DEAF1: variants seen among roughly 807,000 people sequenced by gnomAD.
DEAF1 encodes deformed epidermal autoregulatory factor 1 homolog.
Under a neutral mutation model 58.9 loss-of-function variants are expected in DEAF1, and 53 were observed. The ratio of observed to expected loss-of-function variants is 0.90; its 90% CI spans 0.72 to 1.13. The LOEUF (loss-of-function observed/expected upper bound fraction) is 1.13, where lower values mean the gene tolerates loss of function less well. Ranked by LOEUF, DEAF1 falls within the 50% of genes most tolerant of loss-of-function variation. DEAF1 has a pLI of 0.00. For missense variants in DEAF1, 685 were observed against 791.4 expected (o/e 0.87, Z 1.61); for synonymous variants, 385 against 340.4 (o/e 1.13, Z -1.44).
At chr11:656,125 C>T (rs924416492) in intron 10 of DEAF1, among the ~76,000 whole-genome samples, 11 of 142,540 alleles carry the variant, frequency 7.7e-5, no homozygotes, top group Non-Finnish European at 1.1e-4. Flanking sequence ...TGAGCCACCG[C>T]GCCTGGCCTG....
chr11:677,750 T>C (rs549848713), intron 9 of DEAF1, among the ~76,000 whole-genome samples: 3,298 of 54,230 alleles, frequency 0.061, 585 homozygotes, highest in East Asian at 0.16. Flanking sequence ...GTCAGGAGTT[T>C]GAGACCAGCC....
chr11:704,005 C>A, intron 1 of DEAF1: 8 of 1,214,756 alleles, frequency 6.6e-6, no homozygotes, highest in African/African-American at 1.6e-5. Context: ...TAAGCTGTTA[C>A]AGTAGCTTTC....
chr11:670,777 GTTT>G (rs1250514235), intron 10 of DEAF1, among the ~76,000 whole-genome samples: 1 of 18,974 alleles, frequency 5.3e-5, no homozygotes. Flanking sequence ...TTTTGTTTTT[GTTT>G]TTTTTTTTTT....
At chr11:703,851 G>A (rs1472267934) in intron 1 of DEAF1, 3 of 1,236,078 alleles carry the variant, frequency 2.4e-6, no homozygotes, top group Non-Finnish European at 3.0e-6. Context: ...CTGCAGGAGA[G>A]AGAGCAGCGG....
At position 688,249 on chromosome 11, in the gene DEAF1, CAAGTA is replaced by C; in HGVS notation, c.517+77_517+81del. On this transcript the variant is annotated intron_variant, in intron 3 of 11. Coordinates refer to ENST00000382409, the MANE Select transcript of DEAF1 (RefSeq NM_021008.4). The surrounding 1 kb of genome is among the most constrained non-coding windows in gnomAD (Gnocchi z 4.3). ...ATTCCAAATTTACCACAAAAAGAAACAAGTAAATAAATCCCTGAAATAAATTCTAG... is the reference window on the plus strand; with the variant it reads ...ATTCCAAATTTACCACAAAAAGAAACAATAAATCCCTGAAATAAATTCTAG... The C allele has an allele frequency of 6.4e-7, 1 of 1,562,924 alleles. No individual in the cohort carries two copies. The highest frequency in any genetic ancestry group is 1.2e-5 in the South Asian group (1 of 85,762).
At chr11:660,465 G>A (rs966067634) in intron 10 of DEAF1, among the ~76,000 whole-genome samples, 10 of 152,202 alleles carry the variant, frequency 6.6e-5, no homozygotes, top group African/African-American at 1.2e-4. Flanking sequence ...CGCCGGCGCC[G>A]CCTCACCCCG....
intron 1 of DEAF1, chr11:692,413 C>T: frequency 6.5e-6 from 1 of 154,990 alleles, no homozygotes; most frequent in Admixed American, 6.3e-5. Context: ...TGCTCCTAGG[C>T]CAAGCAAGTG....
At chr11:650,744 A>G (rs1424500941) in intron 11 of DEAF1, among the ~76,000 whole-genome samples, 3 of 151,908 alleles carry the variant, frequency 2.0e-5, no homozygotes, top group African/African-American at 7.2e-5. Flanking sequence ...ACTTGAGTCC[A>G]AGGGGTCGAG....
upstream of DEAF1, chr11:699,957 G>A (rs1261727735): frequency 5.2e-6 from 3 of 573,042 alleles, no homozygotes; most frequent in Non-Finnish European, 9.4e-6. Flanking sequence ...GTCAGCTCAT[G>A]GGACCACATT....
intron 10 of DEAF1, among the ~76,000 whole-genome samples, chr11:660,706 G>C (rs924381318): frequency 3.9e-5 from 6 of 152,236 alleles, no homozygotes; most frequent in Non-Finnish European, 7.4e-5. Context: ...TGTTTGATGC[G>C]GAACAGGTGA....
intron 10 of DEAF1, among the ~76,000 whole-genome samples, chr11:662,289 CAA>C (rs1244664219): frequency 2.0e-5 from 3 of 151,282 alleles, no homozygotes; most frequent in Non-Finnish European, 1.5e-5. Context: ...TCTCATAAAA[CAA>C]AAAAAAATTA....
rs879107856 is a variant in DEAF1 at position 694,997 on chromosome 11, C to T, written c.51G>A (p.Ala17=). 2 of 1,193,458 alleles carry T rather than the reference C, an allele frequency of 1.7e-6. No individual in the cohort carries two copies. The highest frequency in any genetic ancestry group is 3.0e-5 in the South Asian group (1 of 33,574). 73.9% of individuals were successfully genotyped at this position (1,193,458 alleles called of 1,614,324 possible). ...AAKQLGLAEA[A]AVAAAAAVAA... ...CCACAGCGGCCGCGGCCGCCACCGC[C>T]GCCGCCTCAGCCAGGCCCAGCTGCT... is the stretch of plus-strand genomic sequence containing the variant. Residue 17 remains alanine (A), a synonymous_variant, in exon 1 of 12, where the codon GCG becomes GCA. Coordinates refer to ENST00000382409, the MANE Select transcript of DEAF1 (RefSeq NM_021008.4).
intron 10 of DEAF1, among the ~76,000 whole-genome samples, chr11:657,557 G>A (rs189930256): frequency 6.4e-4 from 97 of 152,250 alleles, no homozygotes; most frequent in Non-Finnish European, 5.6e-4. Context: ...GCCCCCCCAC[G>A]GCCGTGGACT....
chr11:696,600 A>T (rs1006317814), upstream of DEAF1, among the ~76,000 whole-genome samples: 11 of 146,704 alleles, frequency 7.5e-5, no homozygotes, highest in African/African-American at 1.3e-4. Flanking sequence ...CCCCCTCTAT[A>T]AAAAAAAAAC....
intron 9 of DEAF1, 143 bp downstream of exon 9, chr11:678,547 GGGCC>G: frequency 8.7e-7 from 1 of 1,148,594 alleles, no homozygotes; most frequent in African/African-American, 1.5e-5. Flanking sequence ...CATAGGCAGT[GGGCC>G]ACACTTTACC....
upstream of DEAF1, chr11:699,968 G>A (rs1162942736): frequency 3.4e-6 from 2 of 581,372 alleles, no homozygotes; most frequent in Non-Finnish European, 6.1e-6. Flanking sequence ...GGACCACATT[G>A]GCAGCCAGCA....
At chr11:704,167 A>C in intron 1 of DEAF1, 1 of 1,088,030 alleles carries the variant, frequency 9.2e-7, no homozygotes, top group Non-Finnish European at 1.1e-6. Context: ...CCCCATCTCC[A>C]GTTCTCCTGC....
Position 644,556 on chromosome 11 carries a change from G to T in DEAF1, c.1692C>A (p.Thr564=), listed in dbSNP as rs774798427. ...HVAESVMEKV[T]V Reference sequence around the variant, plus strand: ...CAGGGCGGCCGATGGAGCCTCACACGGTCACCTTCTCCATCACGCTTTCAG... The same window carrying T: ...CAGGGCGGCCGATGGAGCCTCACACTGTCACCTTCTCCATCACGCTTTCAG... Residue 564 remains threonine, a synonymous_variant, in exon 12 of 12, where the codon ACC becomes ACA. Transcript: ENST00000382409. The surrounding 1 kb of genome is among the most constrained non-coding windows in gnomAD (Gnocchi z 4.3). 6.2e-7 allele frequency: 1 copy of T among 1,612,346 alleles called. No individual in the cohort carries two copies. The highest frequency in any genetic ancestry group is 1.7e-5 in the Admixed American group (1 of 59,948).
chr11:670,521 C>G (rs1859765224), intron 10 of DEAF1, among the ~76,000 whole-genome samples: 1 of 151,606 alleles, frequency 6.6e-6, no homozygotes, highest in Non-Finnish European at 1.5e-5. Flanking sequence ...TTAAGACCAG[C>G]CTCGCCAACA....
Sources: allele counts gnomAD v4.1 joint callset (sites outside exome capture counted in the v4.1 genomes callset), GRCh38; gene constraint gnomAD v4.1.1; non-coding constraint Gnocchi (gnomAD v3.1); transcripts MANE v1.5; gene names NCBI Gene and HGNC (gene_info 2026-07-23, HGNC 2026-07-21).